The following SLC25A24 variants were observed in gnomAD, a reference collection of about 807,000 sequenced individuals.
SLC25A24 encodes mitochondrial adenyl nucleotide antiporter SLC25A24.
SLC25A24 carries 49 observed loss-of-function variants against 60.7 expected under a neutral mutation model. The observed-to-expected ratio is 0.81, with a 90% CI of 0.64 to 1.02. SLC25A24 has a LOEUF of 1.02. SLC25A24 is among the 50% of genes least tolerant of loss of function. The probability of loss-of-function intolerance (pLI) is 0.00; values close to 1 mark genes in which losing one functional copy is unlikely to be tolerated. For missense variants in SLC25A24, 564 were observed against 586.3 expected (o/e 0.96, Z 0.39); for synonymous variants, 202 against 200.6 (o/e 1.01, Z -0.06).
rs3043349 is a variant in SLC25A24 at position 108,180,616 on chromosome 1, A to ATCTCTCTCTC, written c.398+1315_398+1324dup. Among the ~76,000 whole-genome samples, 183 of 61,746 alleles carry ATCTCTCTCTC rather than the reference A, an allele frequency of 3.0e-3. 5 individuals are homozygous for ATCTCTCTCTC. The highest frequency in any genetic ancestry group is 0.011 in the African/African-American group (166 of 14,474). 40.5% of individuals were successfully genotyped at this position (61,746 alleles called of 152,430 possible). A position where few individuals can be genotyped will look rare whatever the true frequency, so the allele number is the denominator to read the frequency against. On this transcript the variant is annotated intron_variant, in intron 3 of 9. Transcript: ENST00000565488. ...CCTTATAATAGAAAGCAAGAGAAAGATCTCTCTCTCTCTCTCTCTCTCTCT... is the reference window on the plus strand; with the variant it reads ...CCTTATAATAGAAAGCAAGAGAAAGATCTCTCTCTCTCTCTCTCTCTCTCTCTCTCTCTCT...
intron 3 of SLC25A24, among the ~76,000 whole-genome samples, chr1:108,172,133 A>G (rs1020312849): frequency 2.0e-5 from 3 of 152,222 alleles, no homozygotes; most frequent in Non-Finnish European, 4.4e-5. Flanking sequence ...TAAAAGAAAA[A>G]TGAGAGCAGA....
intron 9 of SLC25A24, 54 bp from the exon 10 acceptor site, chr1:108,136,891 G>T: frequency 1.4e-6 from 2 of 1,477,302 alleles, no homozygotes; most frequent in South Asian, 2.3e-5. Flanking sequence ...TCATTATTAT[G>T]ACAACAAACA....
At chr1:108,156,273 G>C (rs1048546225) in intron 5 of SLC25A24, among the ~76,000 whole-genome samples, 1 of 152,198 alleles carries the variant, frequency 6.6e-6, no homozygotes, top group Non-Finnish European at 1.5e-5. Context: ...AGTTATGTGA[G>C]TCTTTCTAGA....
At chr1:108,145,884 G>A (rs1359819245) in intron 7 of SLC25A24, among the ~76,000 whole-genome samples, 1 of 152,090 alleles carries the variant, frequency 6.6e-6, no homozygotes, top group African/African-American at 2.4e-5. Flanking sequence ...TGGCTATACA[G>A]GCTCTTTTTT....
chr1:108,163,116 G>A (rs1161045846), intron 3 of SLC25A24, among the ~76,000 whole-genome samples: 1,742 of 124,172 alleles, frequency 0.014, 61 homozygotes, highest in African/African-American at 0.056. Flanking sequence ...GATATGCGGC[G>A]TTATTTCTGA....
At chr1:108,171,444 G>A (rs1647457423) in intron 3 of SLC25A24, among the ~76,000 whole-genome samples, 1 of 152,144 alleles carries the variant, frequency 6.6e-6, no homozygotes, top group South Asian at 2.1e-4. Context: ...ATAATCCATA[G>A]GCCACTAGCT....
At chr1:108,170,491 A>C (rs1647425498) in intron 3 of SLC25A24, among the ~76,000 whole-genome samples, 2 of 152,102 alleles carry the variant, frequency 1.3e-5, no homozygotes, top group Non-Finnish European at 2.9e-5. Flanking sequence ...TTATGTATTT[A>C]GAAGTTTTTG....
chr1:108,150,288 G>C (rs1334331866), intron 6 of SLC25A24, among the ~76,000 whole-genome samples: 6 of 152,088 alleles, frequency 3.9e-5, no homozygotes, highest in African/African-American at 7.2e-5. Context: ...AAGACTTCAG[G>C]ACAGAGCCAA....
At chr1:108,193,874 T>C (rs1283780227) in intron 1 of SLC25A24, among the ~76,000 whole-genome samples, 1 of 139,094 alleles carries the variant, frequency 7.2e-6, no homozygotes, top group Non-Finnish European at 1.6e-5. Flanking sequence ...TCATAAATAC[T>C]ATCTAAGGCT....
At chr1:108,179,122 CA>C (rs199592657) in intron 3 of SLC25A24, among the ~76,000 whole-genome samples, 1,943 of 84,370 alleles carry the variant, frequency 0.023, 37 homozygotes, top group African/African-American at 0.067. Context: ...CCAAAAAGTA[CA>C]AAAAAAAAAA....
chr1:108,192,470 C>G, intron 1 of SLC25A24: 1 of 1,446,870 alleles, frequency 6.9e-7, no homozygotes, highest in South Asian at 1.3e-5. Flanking sequence ...CAACGTCTCT[C>G]TGATTACAGC....
chr1:108,190,206 C>G (rs1169404570), intron 1 of SLC25A24, among the ~76,000 whole-genome samples: 3 of 152,100 alleles, frequency 2.0e-5, no homozygotes, highest in Non-Finnish European at 4.4e-5. Context: ...TCAGGCGTTT[C>G]CTGATTGGGG....
At chr1:108,174,063 G>GA (rs1407773651) in intron 3 of SLC25A24, among the ~76,000 whole-genome samples, 7 of 152,208 alleles carry the variant, frequency 4.6e-5, no homozygotes, top group Admixed American at 2.6e-4. Context: ...ATTTTCTGAG[G>GA]AAAAAATTCA....
chr1:108,163,195 T>C (rs1571293217), intron 3 of SLC25A24, among the ~76,000 whole-genome samples: 4 of 107,340 alleles, frequency 3.7e-5, no homozygotes, highest in Admixed American at 3.4e-4. Context: ...TTGGTTACTG[T>C]AGCCTTGTAG....
intron 1 of SLC25A24, among the ~76,000 whole-genome samples, chr1:108,193,405 A>G (rs1648406590): frequency 1.5e-5 from 2 of 137,242 alleles, no homozygotes; most frequent in African/African-American, 5.1e-5. Flanking sequence ...CCCAAGGTTT[A>G]GCTCCCCCTG....
intron 4 of SLC25A24, among the ~76,000 whole-genome samples, chr1:108,158,205 A>C (rs1679956621): frequency 6.6e-6 from 1 of 152,214 alleles, no homozygotes; most frequent in African/African-American, 2.4e-5. Flanking sequence ...AATAGATTCT[A>C]TATAAAATTT....
intron 1 of SLC25A24, among the ~76,000 whole-genome samples, chr1:108,187,583 TAA>T (rs1311163393): frequency 1.3e-5 from 2 of 152,100 alleles, no homozygotes; most frequent in Middle Eastern, 6.8e-3. Flanking sequence ...AAAACTGACA[TAA>T]GACAGCAGAA....
chr1:108,190,702 T>TAAA (rs1252630148), intron 1 of SLC25A24, among the ~76,000 whole-genome samples: 51 of 140,454 alleles, frequency 3.6e-4, no homozygotes, highest in South Asian at 5.4e-4. Flanking sequence ...TCTTTTTTTT[T>TAAA]TTTTTAATCA....
At chr1:108,177,381 A>G (rs1647712984) in intron 3 of SLC25A24, among the ~76,000 whole-genome samples, 1 of 152,190 alleles carries the variant, frequency 6.6e-6, no homozygotes. Context: ...CCATGAAACA[A>G]TAAGCAAAAT....
Sources: gnomAD v4.1 joint callset for allele counts (sites outside exome capture counted in the v4.1 genomes callset) on GRCh38, gnomAD v4.1.1 for gene constraint, MANE v1.5 for transcripts, NCBI Gene and HGNC (gene_info 2026-07-23, HGNC 2026-07-21) for gene names.